The following FUT8 variants were observed in gnomAD, a reference collection of about 807,000 sequenced individuals.
FUT8 encodes fucosyltransferase 8, also known as alpha-(1,6)-fucosyltransferase.
A neutral mutation model predicts 71.3 loss-of-function variants in FUT8; 29 were observed. The ratio of observed to expected loss-of-function variants is 0.41; its 90% CI spans 0.30 to 0.55. The LOEUF is 0.55. FUT8 is among the 20% of genes least tolerant of loss of function. The pLI, the probability that FUT8 is intolerant of heterozygous loss-of-function variation, is 0.34. For synonymous variants in FUT8, 254 were observed against 239.3 expected (o/e 1.06, Z -0.57); for missense variants, 544 against 702.1 (o/e 0.77, Z 2.55).
At chr14:65,414,046 C>T (rs1314950579) in intron 1 of FUT8, among the ~76,000 whole-genome samples, 2 of 152,166 alleles carry the variant, frequency 1.3e-5, no homozygotes, top group African/African-American at 4.8e-5. Flanking sequence ...AAGGCACGGA[C>T]AGGTGGTGTT....
chr14:65,664,630 T>C (rs1260132665), intron 6 of FUT8, among the ~76,000 whole-genome samples: 2 of 152,136 alleles, frequency 1.3e-5, no homozygotes, highest in South Asian at 2.1e-4. Context: ...AGGTAACTTG[T>C]AGTTTCCCTT....
intron 2 of FUT8, among the ~76,000 whole-genome samples, chr14:65,506,094 T>C (rs977157320): frequency 6.6e-6 from 1 of 152,218 alleles, no homozygotes; most frequent in African/African-American, 2.4e-5. Flanking sequence ...GGTGAAAATA[T>C]TGCTAATACG....
At chr14:65,581,103 CCT>C (rs1471106717) in intron 3 of FUT8, among the ~76,000 whole-genome samples, 1 of 151,926 alleles carries the variant, frequency 6.6e-6, no homozygotes, top group Admixed American at 6.6e-5. Context: ...ATTGCTGCTG[CCT>C]TTGGGATGTA....
At chr14:65,713,253 C>T (rs1266214650) in intron 7 of FUT8, among the ~76,000 whole-genome samples, 1 of 152,172 alleles carries the variant, frequency 6.6e-6, no homozygotes, top group Non-Finnish European at 1.5e-5. Flanking sequence ...TTTTTTATGG[C>T]TGAATAGTAC....
At chr14:65,724,447 C>A in intron 9 of FUT8, 124 bp downstream of exon 9, 1 of 617,688 alleles carries the variant, frequency 1.6e-6, no homozygotes, top group Non-Finnish European at 2.8e-6. Context: ...TTTAAAAATT[C>A]AATGGACTAT....
At chr14:65,604,601 A>T (rs1888473413) in intron 3 of FUT8, among the ~76,000 whole-genome samples, 1 of 151,924 alleles carries the variant, frequency 6.6e-6, no homozygotes, top group South Asian at 2.1e-4. Context: ...CAGCAAAGGC[A>T]GTGCAAAGAG....
At chr14:65,432,196 C>T (rs2065486873) in intron 1 of FUT8, among the ~76,000 whole-genome samples, 1 of 152,086 alleles carries the variant, frequency 6.6e-6, no homozygotes, top group Non-Finnish European at 1.5e-5. Context: ...ACATGTTTTT[C>T]ATTCTCTAGA....
chr14:65,554,434 T>TATA (rs1885470485), intron 2 of FUT8, among the ~76,000 whole-genome samples: 1 of 20,242 alleles, frequency 4.9e-5, no homozygotes, highest in Non-Finnish European at 1.1e-4. Context: ...ATATATATAT[T>TATA]ATATATATAT....
At chr14:65,706,498 T>C (rs1894559976) in intron 7 of FUT8, among the ~76,000 whole-genome samples, 1 of 152,148 alleles carries the variant, frequency 6.6e-6, no homozygotes, top group African/African-American at 2.4e-5. Context: ...CAGAGGAGTG[T>C]CAGTCCGTTT....
chr14:65,627,079 CTG>C lies in FUT8; in HGVS notation c.483-2410_483-2409del, dbSNP rs753296747. Among the ~76,000 whole-genome samples the C allele has an allele frequency of 3.1e-3, 472 of 152,156 alleles. 2 individuals are homozygous for C. Among genetic ancestry groups the C allele is most frequent in the Non-Finnish European group, 3.3e-3 (222 of 68,000 alleles). The stretch of plus-strand genomic sequence containing the variant: ...TAAAGATATTTATCGAATATTTTGT[CTG>C]TGACATGCACTGTTCCACATGCTGA... On this transcript the variant is annotated intron_variant, in intron 5 of 10. Coordinates refer to ENST00000673929, the MANE Select transcript of FUT8 (RefSeq NM_001371533.1). This position sits in a 1 kb window ranked among gnomAD's most constrained non-coding sequence, Gnocchi z 4.0.
At chr14:65,534,556 T>C (rs1234816588) in intron 2 of FUT8, among the ~76,000 whole-genome samples, 2 of 150,432 alleles carry the variant, frequency 1.3e-5, no homozygotes, top group Non-Finnish European at 3.0e-5. Flanking sequence ...TTTCTTTTTT[T>C]TTTTTTTTTG....
chr14:65,558,036 A>T (rs1202478487), intron 2 of FUT8, among the ~76,000 whole-genome samples: 1 of 152,168 alleles, frequency 6.6e-6, no homozygotes, highest in Non-Finnish European at 1.5e-5. Context: ...AAGGTAAACC[A>T]TAAGACTCTC....
At chr14:65,600,952 T>C (rs1171979973) in intron 3 of FUT8, among the ~76,000 whole-genome samples, 1 of 152,172 alleles carries the variant, frequency 6.6e-6, no homozygotes, top group African/African-American at 2.4e-5. Flanking sequence ...GCAACAGTAG[T>C]CTAGTATACA....
At chr14:65,498,987 G>A (rs2066602424) in intron 2 of FUT8, among the ~76,000 whole-genome samples, 1 of 152,206 alleles carries the variant, frequency 6.6e-6, no homozygotes, top group Non-Finnish European at 1.5e-5. Context: ...AGTAATAGTT[G>A]TAGGGATGAA....
At chr14:65,474,387 G>T (rs2066198131) in intron 2 of FUT8, among the ~76,000 whole-genome samples, 1 of 143,714 alleles carries the variant, frequency 7.0e-6, no homozygotes, top group Non-Finnish European at 1.5e-5. Flanking sequence ...CGGATCACTT[G>T]AGGTCAGGAG....
In FUT8 at chr14:65,474,441, G is replaced by GGAAAAAAAAAAAAAAAAAAAAAAA. The variant is rs2066199474; in HGVS notation, c.-228+18723_-228+18724insGAAAAAAAAAAAAAAAAAAAAAAA. 1.8e-4 allele frequency among the ~76,000 whole-genome samples: 7 copies of GGAAAAAAAAAAAAAAAAAAAAAAA among 39,696 alleles called. 1 individual carries two copies. The highest frequency in any genetic ancestry group is 1.7e-3 in the East Asian group (1 of 590). The allele number at this position is 39,696 out of a possible 152,430, so 26.0% of individuals were successfully genotyped here. ...AACATGGTGAAAACCTGTCTCTACT[G>GGAAAAAAAAAAAAAAAAAAAAAAA]AAAAAAAAAAAAAAAAGCCAGGCGT... On this transcript the variant is annotated intron_variant, in intron 2 of 10. Coordinates refer to ENST00000673929, the MANE Select transcript of FUT8 (RefSeq NM_001371533.1).
intron 1 of FUT8, among the ~76,000 whole-genome samples, chr14:65,434,913 A>G (rs1187898154): frequency 6.6e-6 from 1 of 152,108 alleles, no homozygotes; most frequent in Non-Finnish European, 1.5e-5. Context: ...ATTTTGGCAA[A>G]TGCATATAAT....
At chr14:65,465,271 C>T (rs1208575732) in intron 2 of FUT8, among the ~76,000 whole-genome samples, 3 of 152,118 alleles carry the variant, frequency 2.0e-5, no homozygotes, top group Non-Finnish European at 4.4e-5. Flanking sequence ...TCTTTTTTAA[C>T]ATATACATTC....
intron 2 of FUT8, among the ~76,000 whole-genome samples, chr14:65,515,540 TCTA>T (rs956512903): frequency 3.3e-5 from 5 of 152,028 alleles, no homozygotes; most frequent in African/African-American, 1.2e-4. Flanking sequence ...TATTGTAAAA[TCTA>T]CTGAAAATTT....
Sources: allele counts gnomAD v4.1 joint callset (sites outside exome capture counted in the v4.1 genomes callset), GRCh38; gene constraint gnomAD v4.1.1; non-coding constraint Gnocchi (gnomAD v3.1); transcripts MANE v1.5; gene names NCBI Gene and HGNC (gene_info 2026-07-23, HGNC 2026-07-21).